Variants in LHCGR observed in about 807,000 individuals in gnomAD.
LHCGR encodes the protein lutropin-choriogonadotropic hormone receptor.
LHCGR carries 55 observed loss-of-function variants against 60.7 expected under a neutral mutation model. The ratio of observed to expected loss-of-function variants is 0.91; its 90% CI spans 0.73 to 1.13. The LOEUF (loss-of-function observed/expected upper bound fraction) is 1.13. Among genes scored for constraint, LHCGR ranks in the 50% most tolerant of loss-of-function variants. The probability of loss-of-function intolerance (pLI) is 0.00; values close to 1 mark genes in which losing one functional copy is unlikely to be tolerated. For missense variants in LHCGR, 862 were observed against 836.0 expected (o/e 1.03, Z -0.38); for synonymous variants, 337 against 316.5 (o/e 1.06, Z -0.69).
intron 8 of LHCGR, among the ~76,000 whole-genome samples, chr2:48,706,984 G>A (rs911332335): frequency 1.3e-5 from 2 of 152,136 alleles, no homozygotes; most frequent in Non-Finnish European, 2.9e-5. Context: ...CTGGTTTTTG[G>A]AATTTTCAGC....
intron 1 of LHCGR, among the ~76,000 whole-genome samples, chr2:48,732,644 A>G (rs753279336): frequency 2.0e-5 from 3 of 152,168 alleles, no homozygotes; most frequent in Non-Finnish European, 2.9e-5. Context: ...TGGCCAAAGC[A>G]TGTCACTCTT....
intron 1 of LHCGR, among the ~76,000 whole-genome samples, chr2:48,731,982 A>C (rs950169996): frequency 2.0e-5 from 3 of 152,204 alleles, no homozygotes; most frequent in Non-Finnish European, 4.4e-5. Context: ...GGGAATGTCT[A>C]TGAGATCATT....
intron 8 of LHCGR, among the ~76,000 whole-genome samples, chr2:48,699,614 T>A (rs1418494210): frequency 3.3e-5 from 5 of 152,226 alleles, no homozygotes; most frequent in Admixed American, 2.6e-4. Context: ...ATTAAGAGCT[T>A]CTGTGTGGCA....
At chr2:48,747,538 A>T (rs1328685085) in intron 1 of LHCGR, among the ~76,000 whole-genome samples, 1 of 152,206 alleles carries the variant, frequency 6.6e-6, no homozygotes, top group African/African-American at 2.4e-5. Context: ...ATTATGGTGG[A>T]AGAATCTTGC....
chr2:48,748,703 C>A (rs1458659399), intron 1 of LHCGR, among the ~76,000 whole-genome samples: 1 of 152,128 alleles, frequency 6.6e-6, no homozygotes, highest in African/African-American at 2.4e-5. Flanking sequence ...TACAATAATA[C>A]CTTGTAGCTA....
intron 10 of LHCGR, among the ~76,000 whole-genome samples, chr2:48,692,992 G>A (rs1666930858): frequency 6.6e-6 from 1 of 152,132 alleles, no homozygotes; most frequent in Non-Finnish European, 1.5e-5. Context: ...GGTGAGGACT[G>A]GTGAGGATTA....
At chr2:48,725,861 G>T (rs1668695863) in intron 3 of LHCGR, 111 bp from the exon 4 acceptor site, 1 of 871,818 alleles carries the variant, frequency 1.1e-6, no homozygotes, top group Non-Finnish European at 1.9e-6. Flanking sequence ...ATCAGCAAAA[G>T]CAGGCGACCT....
intron 6 of LHCGR, among the ~76,000 whole-genome samples, chr2:48,718,009 A>C (rs1308153550): frequency 1.3e-5 from 2 of 151,904 alleles, no homozygotes; most frequent in Admixed American, 1.3e-4. Context: ...GAGAAATTAC[A>C]AATGTGAGTG....
At chr2:48,718,223 T>G (rs1003626377) in intron 6 of LHCGR, among the ~76,000 whole-genome samples, 1 of 152,214 alleles carries the variant, frequency 6.6e-6, no homozygotes, top group Non-Finnish European at 1.5e-5. Flanking sequence ...TTACAATAGC[T>G]GTACCTAACT....
intron 3 of LHCGR, among the ~76,000 whole-genome samples, chr2:48,727,656 C>T (rs1668796251): frequency 6.6e-6 from 1 of 152,194 alleles, no homozygotes; most frequent in Non-Finnish European, 1.5e-5. Flanking sequence ...GTAATGAGCC[C>T]AATGTGTGAT....
rs779137867 is a variant in LHCGR at position 48,714,068 on chromosome 2, G to A, written c.537-14C>T. On this transcript the variant is annotated splice_polypyrimidine_tract_variant and intron_variant, in intron 6 of 10. Coordinates refer to ENST00000294954, the MANE Select transcript of LHCGR (RefSeq NM_000233.4). ...CCATATAGTTTGCTGAAGGAGGGAG[G>A]AGAGGGTTTAGGAATGGGAAGAAAC... is the stretch of plus-strand genomic sequence containing the variant. 1 of 1,603,232 alleles carries A rather than the reference G, an allele frequency of 6.2e-7. No homozygotes were observed. The highest frequency in any genetic ancestry group is 1.1e-5 in the South Asian group (1 of 90,824).
At chr2:48,747,555 A>G (rs1310638675) in intron 1 of LHCGR, among the ~76,000 whole-genome samples, 1 of 152,158 alleles carries the variant, frequency 6.6e-6, no homozygotes, top group Admixed American at 6.5e-5. Flanking sequence ...TTGCTGACTG[A>G]GCAGATCGAT....
At chr2:48,692,459 G>A (rs539089150) in intron 10 of LHCGR, among the ~76,000 whole-genome samples, 6 of 152,250 alleles carry the variant, frequency 3.9e-5, no homozygotes, top group East Asian at 1.9e-4. Context: ...ATTTATCTTT[G>A]GACTAAATGC....
At chr2:48,738,652 G>A (rs1669304029) in intron 1 of LHCGR, among the ~76,000 whole-genome samples, 1 of 152,136 alleles carries the variant, frequency 6.6e-6, no homozygotes, top group South Asian at 2.1e-4. Flanking sequence ...CGTCTCATAT[G>A]GCAGCCATTA....
Position 48,688,476 on chromosome 2 carries a change from T to C in LHCGR, c.1321A>G (p.Thr441Ala). The C allele has an allele frequency of 6.2e-7, 1 of 1,614,186 alleles. No homozygotes were observed. Among genetic ancestry groups the C allele is most frequent in the South Asian group, 1.1e-5 (1 of 91,078 alleles). ...GCGAATACAGTGAAAAAGCCAGCAG[T>C]GCTGCACCCACTCCCTGTCTGCCAG... is the stretch of plus-strand genomic sequence containing the variant. ...IDWQTGSGCS[T>A]AGFFTVFASE... The change falls in exon 11 of 11, where the codon ACT (threonine) becomes GCT (alanine). Residue 441 changes from threonine to alanine, a missense_variant. By Grantham distance (58) the Thr-to-Ala change is moderately conservative. Transcript: ENST00000294954. This position sits in a 1 kb window ranked among gnomAD's most constrained non-coding sequence, Gnocchi z 5.2.
At chr2:48,738,543 A>G (rs1364933666) in intron 1 of LHCGR, among the ~76,000 whole-genome samples, 1 of 152,114 alleles carries the variant, frequency 6.6e-6, no homozygotes, top group Non-Finnish European at 1.5e-5. Context: ...CAGCCAACCT[A>G]TCTACAAATG....
At position 48,687,339 on chromosome 2, in the gene LHCGR, G is replaced by C. The variant is rs747423235; in HGVS notation, c.*358C>G. On this transcript the variant is annotated 3_prime_UTR_variant, in exon 11 of 11. Coordinates refer to ENST00000294954, the MANE Select transcript of LHCGR (RefSeq NM_000233.4). ...GCCAGTTATTTTAAATTTCTGATCT[G>C]TTATGAACTAATATTTTTATAGAAT... The C allele has an allele frequency of 4.1e-6, 1 of 246,012 alleles. No homozygotes were observed. The highest frequency in any genetic ancestry group is 7.9e-6 in the Non-Finnish European group (1 of 126,260). The allele number at this position is 246,012 out of a possible 1,614,324, so 15.2% of individuals were successfully genotyped here.
intron 9 of LHCGR, among the ~76,000 whole-genome samples, chr2:48,697,369 T>C (rs776806446): frequency 1.3e-5 from 2 of 152,232 alleles, no homozygotes; most frequent in African/African-American, 2.4e-5. Flanking sequence ...ACATTTGCCG[T>C]GTTGGACTTA....
chr2:48,754,409 C>G (rs1202651892), intron 1 of LHCGR, among the ~76,000 whole-genome samples: 1 of 152,144 alleles, frequency 6.6e-6, no homozygotes, highest in East Asian at 1.9e-4. Flanking sequence ...TGATCAAGAC[C>G]TCTACCAGCC....
Sources: allele counts gnomAD v4.1 joint callset (sites outside exome capture counted in the v4.1 genomes callset), GRCh38; gene constraint gnomAD v4.1.1; non-coding constraint Gnocchi (gnomAD v3.1); transcripts MANE v1.5; gene names NCBI Gene and HGNC (gene_info 2026-07-23, HGNC 2026-07-21).